The following ESR1 variants were observed in gnomAD, a reference collection of about 807,000 sequenced individuals.
ESR1 encodes estrogen receptor 1, also known as estrogen receptor.
In ESR1, 12 loss-of-function variants were observed where a neutral mutation model predicts 52.7. The ratio of observed to expected loss-of-function variants is 0.23; its 90% confidence interval spans 0.15 to 0.37. ESR1 has a LOEUF of 0.37. ESR1 is among the 10% of genes least tolerant of loss of function. The pLI, the probability that ESR1 is intolerant of heterozygous loss-of-function variation, is 1.00. For synonymous variants in ESR1, 305 were observed against 316.8 expected (o/e 0.96, Z 0.39); for missense variants, 584 against 779.7 (o/e 0.75, Z 2.99).
chr6:151,941,489 T>G (rs2128515148), intron 3 of ESR1, among the ~76,000 whole-genome samples: 1 of 152,232 alleles, frequency 6.6e-6, no homozygotes, highest in East Asian at 1.9e-4. Context: ...CCTAAAAAGA[T>G]TCTTTGCTTT....
chr6:152,000,141 G>C (rs2041836139), intron 4 of ESR1, among the ~76,000 whole-genome samples: 1 of 151,956 alleles, frequency 6.6e-6, no homozygotes, highest in Non-Finnish European at 1.5e-5. Context: ...ATTCTTTCTA[G>C]TTTTCACCAT....
intron 4 of ESR1, among the ~76,000 whole-genome samples, chr6:151,972,839 G>T (rs1006537224): frequency 6.6e-6 from 1 of 152,216 alleles, no homozygotes; most frequent in Non-Finnish European, 1.5e-5. Context: ...AAGCAGGGAA[G>T]CCAAAAGTGC....
exon 7 of ESR1, chr6:152,128,161 A>G (rs908210265): frequency 5.3e-5 from 8 of 152,236 alleles, no homozygotes; most frequent in Admixed American, 3.9e-4. Flanking sequence ...CGATAAGGTT[A>G]GAAAATTTTA....
In ESR1 at chr6:151,942,831, T is replaced by A. The variant is rs568698327; in HGVS notation, c.761-1342T>A. Reference sequence around the variant, plus strand: ...TGTATTAACTTTTTATCAAAACGATTGCTTCCTTCATATAAATCTAAGAAT... The same window carrying A: ...TGTATTAACTTTTTATCAAAACGATAGCTTCCTTCATATAAATCTAAGAAT... On this transcript the variant is annotated intron_variant, in intron 3 of 7. Transcript: ENST00000206249. 6.6e-5 allele frequency among the ~76,000 whole-genome samples: 10 copies of A among 152,342 alleles called. No individual in the cohort carries two copies. In the East Asian group the frequency reaches 1.9e-3, roughly 29 times the overall value.
chr6:151,788,267 AC>A (rs1244211182), intron 2 of ESR1, among the ~76,000 whole-genome samples: 1 of 152,222 alleles, frequency 6.6e-6, no homozygotes, highest in Non-Finnish European at 1.5e-5. Flanking sequence ...CAAGAAAAAA[AC>A]AACCTCATTA....
At chr6:151,710,451 A>T (rs1434038955) in intron 2 of ESR1, among the ~76,000 whole-genome samples, 1 of 152,192 alleles carries the variant, frequency 6.6e-6, no homozygotes, top group Non-Finnish European at 1.5e-5. Flanking sequence ...ACCAACAAAC[A>T]TCAGCAACGT....
chr6:151,756,364 C>T (rs575265212), intron 2 of ESR1, among the ~76,000 whole-genome samples: 10 of 152,274 alleles, frequency 6.6e-5, no homozygotes, highest in South Asian at 2.1e-4. Context: ...TCTCCTGCCT[C>T]GGCCTCCCGA....
At chr6:151,699,714 G>A (rs928343746) in intron 1 of ESR1, among the ~76,000 whole-genome samples, 17 of 152,166 alleles carry the variant, frequency 1.1e-4, no homozygotes, top group African/African-American at 3.9e-4. Flanking sequence ...ATTATGGCAA[G>A]TTTCAATGTT....
chr6:152,001,561 T>C lies in ESR1; in HGVS notation c.1097-10095T>C, dbSNP rs1195113702. ...GTGGGGACAAACTACATCCCAACTGTAGTACCTAGCTACCCACTTTATTTT... is the reference window on the plus strand; with the variant it reads ...GTGGGGACAAACTACATCCCAACTGCAGTACCTAGCTACCCACTTTATTTT... On this transcript the variant is annotated intron_variant, in intron 4 of 7. Transcript: ENST00000206249. Among the ~76,000 whole-genome samples, 3 of 152,044 alleles carry C rather than the reference T, an allele frequency of 2.0e-5. No individual in the cohort carries two copies. In the East Asian group the frequency reaches 5.8e-4, roughly 29 times the overall value.
At chr6:151,810,897 A>G (rs2128164830) in intron 1 of ESR1, 1 of 152,354 alleles carries the variant, frequency 6.6e-6, no homozygotes, top group South Asian at 2.1e-4. Flanking sequence ...TTTTACCTAT[A>G]CAAATCAAAA....
At chr6:151,915,228 AGG>A (rs1340889532) in intron 3 of ESR1, among the ~76,000 whole-genome samples, 8 of 151,618 alleles carry the variant, frequency 5.3e-5, no homozygotes, top group Non-Finnish European at 8.8e-5. Context: ...AACAAAAAAG[AGG>A]GGTGAAATTT....
At chr6:151,871,723 C>T (rs77247000) in intron 2 of ESR1, among the ~76,000 whole-genome samples, 4,321 of 152,270 alleles carry the variant, frequency 0.028, 78 homozygotes, top group Non-Finnish European at 0.047. Flanking sequence ...GCTCATTAAA[C>T]AATGACTCCA....
At chr6:151,779,896 T>C (rs1786377837) in intron 2 of ESR1, among the ~76,000 whole-genome samples, 1 of 100,532 alleles carries the variant, frequency 9.9e-6, no homozygotes, top group Admixed American at 1.2e-4. Context: ...CGAGACTCCG[T>C]CTCAAAAAAA....
intron 5 of ESR1, among the ~76,000 whole-genome samples, chr6:152,025,011 A>G (rs2044015272): frequency 6.6e-6 from 1 of 151,184 alleles, no homozygotes; most frequent in African/African-American, 2.4e-5. Context: ...GACACCTATA[A>G]TGTCTTCTAA....
At chr6:152,084,467 C>T (rs1287861545) in intron 6 of ESR1, among the ~76,000 whole-genome samples, 10 of 151,692 alleles carry the variant, frequency 6.6e-5, no homozygotes, top group African/African-American at 2.4e-4. Flanking sequence ...GTGGCTTTTA[C>T]CTCCCACCAC....
At chr6:151,818,806 T>C (rs1045279207) in intron 1 of ESR1, among the ~76,000 whole-genome samples, 53 of 149,170 alleles carry the variant, frequency 3.6e-4, no homozygotes, top group South Asian at 1.0e-3. Context: ...TATACACATA[T>C]ATACACACAC....
At chr6:151,989,553 A>C (rs1274892302) in intron 4 of ESR1, among the ~76,000 whole-genome samples, 1 of 152,130 alleles carries the variant, frequency 6.6e-6, no homozygotes, top group East Asian at 1.9e-4. Flanking sequence ...ATGTAGTAAT[A>C]AACACAGAAT....
At chr6:151,675,809 A>T (rs1467024302) in intron 1 of ESR1, among the ~76,000 whole-genome samples, 1 of 152,228 alleles carries the variant, frequency 6.6e-6, no homozygotes, top group African/African-American at 2.4e-5. Context: ...GGTGAAACAA[A>T]ATTAGCAAAA....
chr6:151,959,632 G>A (rs982026589), intron 4 of ESR1, among the ~76,000 whole-genome samples: 1 of 152,126 alleles, frequency 6.6e-6, no homozygotes, highest in Middle Eastern at 3.2e-3. Context: ...CTGGAGCATG[G>A]GTGGTGAATC....
Sources: gnomAD v4.1 joint callset for allele counts (sites outside exome capture counted in the v4.1 genomes callset) on GRCh38, gnomAD v4.1.1 for gene constraint, MANE v1.5 for transcripts, NCBI Gene and HGNC (gene_info 2026-07-23, HGNC 2026-07-21) for gene names.